TMEM108: variants seen among roughly 807,000 people sequenced by gnomAD.
The protein encoded by TMEM108 is transmembrane protein 108, also known as cancer/testis antigen 124.
Under a neutral mutation model 35.1 loss-of-function variants are expected in TMEM108, and 12 were observed. The observed-to-expected ratio is 0.34, with a 90% CI of 0.22 to 0.55. The LOEUF is 0.55. Among genes scored for constraint, TMEM108 ranks in the 20% least tolerant of loss-of-function variants. TMEM108 has a pLI of 0.89. For missense variants in TMEM108, 680 were observed against 753.3 expected (o/e 0.90, Z 1.14); for synonymous variants, 287 against 308.6 (o/e 0.93, Z 0.73).
chr3:133,097,517 C>T (rs1272903131), intron 2 of TMEM108, among the ~76,000 whole-genome samples: 7 of 152,214 alleles, frequency 4.6e-5, no homozygotes, highest in Non-Finnish European at 1.0e-4. Flanking sequence ...ATGTTCATCA[C>T]TCCCTAACCC....
At chr3:133,348,091 A>G (rs919828454) in intron 3 of TMEM108, among the ~76,000 whole-genome samples, 2 of 151,710 alleles carry the variant, frequency 1.3e-5, no homozygotes, top group African/African-American at 4.9e-5. Context: ...AGTAGTAAAG[A>G]TATTTTTGAA....
intron 3 of TMEM108, among the ~76,000 whole-genome samples, chr3:133,258,745 A>C (rs1229653008): frequency 1.3e-5 from 2 of 152,204 alleles, no homozygotes. Context: ...CTCTTCATTC[A>C]GACAGAGAGA....
intron 3 of TMEM108, among the ~76,000 whole-genome samples, chr3:133,361,680 C>T (rs534744696): frequency 3.4e-4 from 52 of 152,130 alleles, no homozygotes; most frequent in Non-Finnish European, 6.5e-4. Context: ...ACAGCTGGGA[C>T]TCCTAAGCAT....
chr3:133,244,764 A>C (rs1946361981), intron 3 of TMEM108, among the ~76,000 whole-genome samples: 1 of 152,254 alleles, frequency 6.6e-6, no homozygotes, highest in Non-Finnish European at 1.5e-5. Flanking sequence ...GAAAACTAGA[A>C]AATATTGACT....
chr3:133,384,234 C>CT (rs1403017790), intron 4 of TMEM108, among the ~76,000 whole-genome samples: 7 of 152,204 alleles, frequency 4.6e-5, no homozygotes, highest in African/African-American at 7.2e-5. Flanking sequence ...TTCAGGCACT[C>CT]TGAGTCAGGA....
intron 2 of TMEM108, among the ~76,000 whole-genome samples, chr3:133,159,790 T>C (rs1163625676): frequency 6.6e-6 from 1 of 152,212 alleles, no homozygotes; most frequent in East Asian, 1.9e-4. Context: ...CTAGGACCTC[T>C]CTTCTTTAAC....
Position 133,346,274 on chromosome 3 carries a change from G to GT in TMEM108, c.41-33476dup, listed in dbSNP as rs1350723114. Among the ~76,000 whole-genome samples the GT allele has an allele frequency of 6.6e-6, 1 of 151,892 alleles. No individual in the cohort carries two copies. Among genetic ancestry groups the GT allele is most frequent in the African/African-American group, 2.4e-5 (1 of 41,416 alleles). On this transcript the variant is annotated intron_variant, in intron 3 of 5. Transcript: ENST00000321871. The surrounding 1 kb of genome is among the most constrained non-coding windows in gnomAD (Gnocchi z 4.0). The stretch of plus-strand genomic sequence containing the variant: ...CTGTCAGCACTGAATGAGAGTTCCT[G>GT]TTACTTCACTTCCTCACCAGCATTT...
intron 4 of TMEM108, among the ~76,000 whole-genome samples, chr3:133,382,711 G>A (rs189853619): frequency 3.7e-4 from 57 of 152,358 alleles, no homozygotes; most frequent in African/African-American, 1.3e-3. Flanking sequence ...GCTGAGCCAG[G>A]TCTCCCAGCT....
chr3:133,395,466 GT>G (rs2073291897), intron 5 of TMEM108, among the ~76,000 whole-genome samples: 1 of 152,166 alleles, frequency 6.6e-6, no homozygotes, highest in South Asian at 2.1e-4. Flanking sequence ...AGTAGTCTGG[GT>G]GCAAGTGGAC....
intron 3 of TMEM108, among the ~76,000 whole-genome samples, chr3:133,232,656 G>A (rs1026690852): frequency 4.6e-5 from 7 of 152,230 alleles, no homozygotes; most frequent in Non-Finnish European, 7.3e-5. Context: ...GTGCCCAGCT[G>A]GGGCTAAGGG....
At chr3:133,041,526 G>A (rs1265243274) in intron 1 of TMEM108, among the ~76,000 whole-genome samples, 1 of 152,140 alleles carries the variant, frequency 6.6e-6, no homozygotes, top group Non-Finnish European at 1.5e-5. Context: ...GCCCTCAAAC[G>A]AAATCTCAAA....
intron 2 of TMEM108, among the ~76,000 whole-genome samples, chr3:133,222,687 T>G (rs1247099244): frequency 6.6e-6 from 1 of 152,112 alleles, no homozygotes; most frequent in Admixed American, 6.6e-5. Context: ...TTCATTTCTT[T>G]CATTGTATTA....
intron 3 of TMEM108, among the ~76,000 whole-genome samples, chr3:133,334,856 T>C (rs956161121): frequency 6.6e-6 from 1 of 152,238 alleles, no homozygotes; most frequent in Admixed American, 6.5e-5. Context: ...AGTAGACTAA[T>C]GAAGAACAGT....
chr3:133,330,283 G>T (rs929687700), intron 3 of TMEM108, among the ~76,000 whole-genome samples: 6 of 152,204 alleles, frequency 3.9e-5, no homozygotes, highest in Non-Finnish European at 8.8e-5. Context: ...CAGCTGCAGG[G>T]GAGGGGATTC....
intron 2 of TMEM108, among the ~76,000 whole-genome samples, chr3:133,133,310 A>T (rs1944516285): frequency 6.6e-6 from 1 of 152,220 alleles, no homozygotes; most frequent in South Asian, 2.1e-4. Context: ...AACATTGAGG[A>T]TCCTCTACCA....
rs1242908994 is a variant in TMEM108, at chr3:133,078,614, GTAGT to G, written c.-47+32597_-47+32600del. Among the ~76,000 whole-genome samples, 3 of 152,340 alleles carry G rather than the reference GTAGT, an allele frequency of 2.0e-5. No individual in the cohort carries two copies. The South Asian group carries it at 6.2e-4, about 32-fold the overall frequency. On this transcript the variant is annotated intron_variant, in intron 2 of 5. Transcript: ENST00000321871. ...TATTGATAGCAACTCAGTAATTTAAGTAGTTAATCAACTCAAGAATAAATACAAC... is the reference window on the plus strand; with the variant it reads ...TATTGATAGCAACTCAGTAATTTAAGTAATCAACTCAAGAATAAATACAAC...
chr3:133,378,438 A>G (rs1304486937), intron 3 of TMEM108: 6 of 985,312 alleles, frequency 6.1e-6, no homozygotes, highest in East Asian at 2.3e-4. Context: ...AGACGCTCTG[A>G]GAGAGTAATT....
chr3:133,090,649 A>G (rs1056117795), intron 2 of TMEM108, among the ~76,000 whole-genome samples: 8 of 152,194 alleles, frequency 5.3e-5, no homozygotes, highest in African/African-American at 1.7e-4. Flanking sequence ...CATTTTTAAG[A>G]GTGGGGCAAT....
intron 2 of TMEM108, among the ~76,000 whole-genome samples, chr3:133,104,540 C>G (rs958370176): frequency 7.2e-5 from 11 of 152,180 alleles, no homozygotes; most frequent in Admixed American, 2.0e-4. Context: ...GGGTGAGGTC[C>G]TGGGGAGCAG....
Sources: allele counts gnomAD v4.1 joint callset (sites outside exome capture counted in the v4.1 genomes callset), GRCh38; gene constraint gnomAD v4.1.1; non-coding constraint Gnocchi (gnomAD v3.1); transcripts MANE v1.5; gene names NCBI Gene and HGNC (gene_info 2026-07-23, HGNC 2026-07-21).